The following EPB41L4A variants were observed in gnomAD, a reference collection of about 807,000 sequenced individuals.
EPB41L4A encodes band 4.1-like protein 4A.
In EPB41L4A, 100 loss-of-function variants were observed where a neutral mutation model predicts 108.6. The observed-to-expected ratio is 0.92, with a 90% CI of 0.78 to 1.09. The LOEUF is 1.09. Ranked by LOEUF, EPB41L4A falls within the 50% of genes least tolerant of loss-of-function variation. The probability of loss-of-function intolerance (pLI) is 0.00; values close to 1 mark genes in which losing one functional copy is unlikely to be tolerated. For missense variants in EPB41L4A, 1,030 were observed against 842.7 expected, an observed-to-expected ratio of 1.22 and a Z score of -2.75; for synonymous variants, 319 against 289.0, an observed-to-expected ratio of 1.10 and a Z score of -1.05.
At chr5:112,240,661 A>G (rs1055054761) in intron 10 of EPB41L4A, 58 bp downstream of exon 10, 37 of 970,066 alleles carry the variant, frequency 3.8e-5, no homozygotes, top group Non-Finnish European at 4.9e-5. Context: ...TCTTTTTATA[A>G]AAATAAATGC....
At chr5:112,397,240 A>AT (rs1277642605) in intron 1 of EPB41L4A, among the ~76,000 whole-genome samples, 64 of 152,296 alleles carry the variant, frequency 4.2e-4, no homozygotes, top group African/African-American at 1.4e-3. Context: ...CCTCCAGCTG[A>AT]TTTTTCATAA....
At position 112,305,391 on chromosome 5, in the gene EPB41L4A, G is replaced by A. The variant is rs149776808; in HGVS notation, c.204+1995C>T. Reference sequence around the variant, plus strand: ...CAACTTCTCTGCTATGTGAGGTCCCGAATGTACAGTAATTCAATCAACATT... The same window carrying A: ...CAACTTCTCTGCTATGTGAGGTCCCAAATGTACAGTAATTCAATCAACATT... On this transcript the variant is annotated intron_variant, in intron 2 of 22. Coordinates refer to ENST00000261486, the MANE Select transcript of EPB41L4A (RefSeq NM_022140.5). Among the ~76,000 whole-genome samples, 190 of 152,200 alleles carry A rather than the reference G, an allele frequency of 1.2e-3. 1 individual carries two copies. The highest frequency in any genetic ancestry group is 4.2e-3 in the African/African-American group (173 of 41,546).
chr5:112,360,279 G>T (rs1164940006), intron 1 of EPB41L4A, among the ~76,000 whole-genome samples: 2 of 151,936 alleles, frequency 1.3e-5, no homozygotes, highest in Admixed American at 1.3e-4. Context: ...ACTGACCCTC[G>T]ACCCTCTCCC....
intron 7 of EPB41L4A, among the ~76,000 whole-genome samples, chr5:112,262,243 T>C (rs552392593): frequency 2.0e-5 from 3 of 152,300 alleles, no homozygotes; most frequent in African/African-American, 7.2e-5. Flanking sequence ...GCCCTTTGTA[T>C]CTGTTATCCA....
intron 1 of EPB41L4A, among the ~76,000 whole-genome samples, chr5:112,412,245 T>A (rs1173513034): frequency 2.6e-5 from 4 of 152,204 alleles, no homozygotes; most frequent in Non-Finnish European, 4.4e-5. Context: ...TCTTGGCATG[T>A]CAATATCCTG....
chr5:112,356,420 C>G (rs1239202963), intron 1 of EPB41L4A, among the ~76,000 whole-genome samples: 3 of 152,332 alleles, frequency 2.0e-5, no homozygotes, highest in African/African-American at 7.2e-5. Flanking sequence ...TGGATTAACA[C>G]AAACCCATTC....
chr5:112,367,154 A>G (rs1431360908), intron 1 of EPB41L4A, among the ~76,000 whole-genome samples: 5 of 152,186 alleles, frequency 3.3e-5, no homozygotes, highest in African/African-American at 1.2e-4. Flanking sequence ...CTCTTTCAAC[A>G]GCCGGACCAA....
At chr5:112,251,507 G>A (rs902875945) in intron 9 of EPB41L4A, among the ~76,000 whole-genome samples, 2 of 151,964 alleles carry the variant, frequency 1.3e-5, no homozygotes, top group African/African-American at 4.8e-5. Flanking sequence ...TTACTAAGTG[G>A]GGAAAAAACC....
intron 12 of EPB41L4A, among the ~76,000 whole-genome samples, chr5:112,223,946 T>A (rs1020834301): frequency 3.9e-5 from 6 of 152,124 alleles, no homozygotes; most frequent in Admixed American, 2.6e-4. Context: ...AGAGTTTCAT[T>A]TGAACTTTAG....
intron 2 of EPB41L4A, among the ~76,000 whole-genome samples, chr5:112,284,764 TAGAC>T (rs1388422220): frequency 5.9e-5 from 9 of 152,292 alleles, no homozygotes; most frequent in African/African-American, 2.2e-4. Flanking sequence ...GTAAAGCAGT[TAGAC>T]AGCCTTACCA....
chr5:112,385,461 T>A (rs1040480991), intron 1 of EPB41L4A, among the ~76,000 whole-genome samples: 2 of 147,262 alleles, frequency 1.4e-5, no homozygotes, highest in Non-Finnish European at 3.0e-5. Context: ...TCCAGAGTCC[T>A]ACGTTGTTAA....
chr5:112,177,965 G>A (rs935688046), intron 18 of EPB41L4A, among the ~76,000 whole-genome samples: 39 of 151,408 alleles, frequency 2.6e-4, no homozygotes, highest in African/African-American at 7.0e-4. Flanking sequence ...GATTTATATC[G>A]CAAAATACAA....
At chr5:112,383,139 T>A (rs1580798712) in intron 1 of EPB41L4A, among the ~76,000 whole-genome samples, 1 of 152,210 alleles carries the variant, frequency 6.6e-6, no homozygotes, top group East Asian at 1.9e-4. Flanking sequence ...GTATTCCATT[T>A]AATGTAACTT....
At chr5:112,377,061 C>T (rs1251278383) in intron 1 of EPB41L4A, among the ~76,000 whole-genome samples, 2 of 151,886 alleles carry the variant, frequency 1.3e-5, no homozygotes, top group African/African-American at 4.8e-5. Flanking sequence ...AAAAATTAGC[C>T]AGGCACTGTG....
At chr5:112,215,073 T>C (rs943962416) in intron 12 of EPB41L4A, among the ~76,000 whole-genome samples, 1 of 152,198 alleles carries the variant, frequency 6.6e-6, no homozygotes, top group Non-Finnish European at 1.5e-5. Context: ...GAATGTCTAT[T>C]ATTAGAAAGG....
chr5:112,236,630 A>G (rs1749355126), intron 11 of EPB41L4A, among the ~76,000 whole-genome samples: 1 of 152,234 alleles, frequency 6.6e-6, no homozygotes, highest in African/African-American at 2.4e-5. Context: ...GACAGGACAC[A>G]GTTTTATTTC....
intron 1 of EPB41L4A, among the ~76,000 whole-genome samples, chr5:112,408,209 T>C (rs1762191735): frequency 1.3e-5 from 2 of 152,268 alleles, no homozygotes; most frequent in Admixed American, 1.3e-4. Context: ...AAATGAAGAA[T>C]GGGTCATAGA....
chr5:112,206,322 G>C (rs760724004), intron 13 of EPB41L4A, among the ~76,000 whole-genome samples: 3 of 150,916 alleles, frequency 2.0e-5, no homozygotes, highest in Non-Finnish European at 4.4e-5. Flanking sequence ...GGAGTACTTT[G>C]TAACAGCCAA....
intron 1 of EPB41L4A, among the ~76,000 whole-genome samples, chr5:112,402,487 C>T (rs761833412): frequency 1.3e-5 from 2 of 152,152 alleles, no homozygotes; most frequent in African/African-American, 4.8e-5. Context: ...CCAGTTACTG[C>T]AGCAAGTAAA....
Sources: gnomAD v4.1 joint callset for allele counts (sites outside exome capture counted in the v4.1 genomes callset) on GRCh38, gnomAD v4.1.1 for gene constraint, MANE v1.5 for transcripts, NCBI Gene and HGNC (gene_info 2026-07-23, HGNC 2026-07-21) for gene names.